SEZ6L: variants seen among roughly 807,000 people sequenced by gnomAD.
The protein encoded by SEZ6L is seizure 6-like protein.
A neutral mutation model predicts 106.2 loss-of-function variants in SEZ6L; 37 were observed. That is an observed-to-expected ratio of 0.35 (90% confidence interval 0.27 to 0.46). The LOEUF is 0.46. Among genes scored for constraint, SEZ6L ranks in the 20% least tolerant of loss-of-function variants. SEZ6L has a pLI of 1.00. For synonymous variants in SEZ6L, 541 were observed against 570.4 expected, an observed-to-expected ratio of 0.95 and a Z score of 0.73; for missense variants, 1,172 against 1,332.8, an observed-to-expected ratio of 0.88 and a Z score of 1.88.
intron 12 of SEZ6L, 27 bp downstream of exon 12, chr22:26,351,270 C>A: frequency 6.2e-7 from 1 of 1,602,914 alleles, no homozygotes; most frequent in South Asian, 1.1e-5. Flanking sequence ...GAATTGGGCC[C>A]CCAGTAGGTA....
intron 10 of SEZ6L, among the ~76,000 whole-genome samples, chr22:26,344,592 A>G (rs957816957): frequency 6.6e-6 from 1 of 152,236 alleles, no homozygotes; most frequent in Admixed American, 6.5e-5. Context: ...GTGTGCATTC[A>G]GTGCATTTGT....
chr22:26,252,903 A>G (rs1213014464), intron 1 of SEZ6L, among the ~76,000 whole-genome samples: 1 of 152,230 alleles, frequency 6.6e-6, no homozygotes, highest in Non-Finnish European at 1.5e-5. Context: ...GTGTCATTTT[A>G]GTAGAATGAC....
rs113079630 is a variant in SEZ6L at position 26,232,429 on chromosome 22, T to C, written c.95-59977T>C. 2.3e-3 allele frequency among the ~76,000 whole-genome samples: 356 copies of C among 151,530 alleles called. 4 individuals are homozygous for C. The highest frequency in any genetic ancestry group is 8.3e-3 in the African/African-American group (343 of 41,258). On this transcript the variant is annotated intron_variant, in intron 1 of 16. Transcript: ENST00000248933. ...CAAACTCTGGAAACAGACAGACGTG[T>C]ATTCAAATGTCAACCTTACCTGCCC... is the stretch of plus-strand genomic sequence containing the variant.
At chr22:26,173,795 A>G (rs548190037) in intron 1 of SEZ6L, among the ~76,000 whole-genome samples, 98 of 152,264 alleles carry the variant, frequency 6.4e-4, no homozygotes, top group Non-Finnish European at 1.2e-3. Flanking sequence ...GCAGACAGCC[A>G]CTTTCTAGCT....
chr22:26,265,373 G>T lies in SEZ6L; in HGVS notation c.95-27033G>T, dbSNP rs118062628. The stretch of plus-strand genomic sequence containing the variant: ...CAAGTTCTGAGCTGAGAAAAAAAAT[G>T]AATGCTTCCATCAAATTAGGCCAAG... On this transcript the variant is annotated intron_variant, in intron 1 of 16. Coordinates refer to ENST00000248933, the MANE Select transcript of SEZ6L (RefSeq NM_021115.5). 5.0e-3 allele frequency among the ~76,000 whole-genome samples: 762 copies of T among 152,270 alleles called. 20 individuals carry two copies. Among genetic ancestry groups the T allele is most frequent in the East Asian group, 0.014 (73 of 5,186 alleles).
At chr22:26,356,064 C>T (rs1426741837) in intron 12 of SEZ6L, among the ~76,000 whole-genome samples, 2 of 152,198 alleles carry the variant, frequency 1.3e-5, no homozygotes, top group Non-Finnish European at 2.9e-5. Flanking sequence ...GCAACTCACT[C>T]AGTCATTCAG....
At chr22:26,313,687 C>A (rs1366461442) in intron 8 of SEZ6L, 77 bp from the exon 9 acceptor site, 3 of 1,547,242 alleles carry the variant, frequency 1.9e-6, no homozygotes, top group East Asian at 2.3e-5. Flanking sequence ...GACTTCATAG[C>A]CCACATGGTT....
intron 1 of SEZ6L, among the ~76,000 whole-genome samples, chr22:26,206,292 T>C (rs1209336564): frequency 6.6e-6 from 1 of 152,142 alleles, no homozygotes; most frequent in East Asian, 1.9e-4. Context: ...CAGAACCACC[T>C]CCTTTACCCC....
At position 26,208,505 on chromosome 22, in the gene SEZ6L, A is replaced by G. The variant is rs1186892307; in HGVS notation, c.94+38742A>G. On this transcript the variant is annotated intron_variant, in intron 1 of 16. Coordinates refer to ENST00000248933, the MANE Select transcript of SEZ6L (RefSeq NM_021115.5). ...TTTTCTCTTTTAAAACTTTAAAGCT[A>G]TTAGTTCTTGGCTTCTGGCTTCCAT... is the stretch of plus-strand genomic sequence containing the variant. 2.6e-5 allele frequency among the ~76,000 whole-genome samples: 4 copies of G among 152,152 alleles called. No homozygotes were observed. The South Asian group carries it at 6.2e-4, about 24-fold the overall frequency.
chr22:26,349,534 C>T (rs1014737825), intron 11 of SEZ6L, among the ~76,000 whole-genome samples: 11 of 152,156 alleles, frequency 7.2e-5, no homozygotes, highest in Non-Finnish European at 1.3e-4. Flanking sequence ...CACACATAGA[C>T]ATCTATATAT....
At chr22:26,249,761 T>A (rs2079505395) in intron 1 of SEZ6L, among the ~76,000 whole-genome samples, 1 of 152,210 alleles carries the variant, frequency 6.6e-6, no homozygotes, top group Non-Finnish European at 1.5e-5. Flanking sequence ...GATACTGTTT[T>A]CCATAATGGC....
At chr22:26,291,488 A>G (rs961343296) in intron 1 of SEZ6L, among the ~76,000 whole-genome samples, 1 of 152,122 alleles carries the variant, frequency 6.6e-6, no homozygotes, top group Non-Finnish European at 1.5e-5. Flanking sequence ...TAGGTAATGC[A>G]TGCTGGGCTT....
chr22:26,375,599 C>T lies in SEZ6L; in HGVS notation c.2852C>T (p.Ser951Leu), dbSNP rs2084193911. The stretch of plus-strand genomic sequence containing the variant: ...GTAGCAGAAGCGGCAGCAGAGACGT[C>T]GCTGGAAGGGGGGAACATGGCCCTG... ...LEVAEAAAET[S>L]LEGGNMALAI... Residue 951 changes from serine to leucine, a missense_variant, in exon 15 of 17, where the codon TCG becomes TTG. Physicochemically the swap from Ser to Leu is moderately radical, Grantham distance 145. Around this residue, in one of 4 missense-constraint regions of SEZ6L, gnomAD observed 141 missense variants for 176.0 expected, o/e 0.80. Coordinates refer to ENST00000248933, the MANE Select transcript of SEZ6L (RefSeq NM_021115.5). 5 of 1,614,014 alleles carry T rather than the reference C, an allele frequency of 3.1e-6. No individual in the cohort carries two copies. The Admixed American group carries it at 5.0e-5, about 16-fold the overall frequency.
intron 1 of SEZ6L, among the ~76,000 whole-genome samples, chr22:26,175,643 A>G (rs1938938063): frequency 6.6e-6 from 1 of 152,140 alleles, no homozygotes; most frequent in Non-Finnish European, 1.5e-5. Flanking sequence ...ACCTCGTAAA[A>G]GAGAGTGAGC....
At chr22:26,208,766 T>A (rs546131557) in intron 1 of SEZ6L, among the ~76,000 whole-genome samples, 2 of 152,158 alleles carry the variant, frequency 1.3e-5, no homozygotes, top group Admixed American at 6.5e-5. Context: ...ATGTTTTTCA[T>A]CAAATTTGAG....
chr22:26,187,992 C>T (rs1249050952), intron 1 of SEZ6L, among the ~76,000 whole-genome samples: 1 of 152,126 alleles, frequency 6.6e-6, no homozygotes, highest in African/African-American at 2.4e-5. Flanking sequence ...AACAATAATC[C>T]AGGTGAGAGG....
intron 10 of SEZ6L, 31 bp from the exon 11 acceptor site, chr22:26,347,688 C>T (rs756861713): frequency 2.6e-6 from 4 of 1,561,402 alleles, no homozygotes; most frequent in Non-Finnish European, 3.5e-6. Flanking sequence ...GACTGCTTCC[C>T]CCATCTAAGA....
rs2084469776 is a variant in SEZ6L at position 26,383,354 on chromosome 22, T to G, written c.*3059T>G. 6.6e-6 allele frequency: 1 copy of G among 152,018 alleles called. No individual in the cohort carries two copies. Among genetic ancestry groups the G allele is most frequent in the Non-Finnish European group, 1.5e-5 (1 of 68,010 alleles). The allele number at this position is 152,018 out of a possible 1,614,324, so 9.4% of individuals were successfully genotyped here. ...GCACGGGCCTCAGGCAAAAATGCCC[T>G]TCGAGTGAATCCGAAGGGCATGATC... On this transcript the variant is annotated 3_prime_UTR_variant, in exon 17 of 17. Transcript: ENST00000248933.
intron 13 of SEZ6L, among the ~76,000 whole-genome samples, chr22:26,368,673 G>A (rs2083901052): frequency 6.6e-6 from 1 of 151,934 alleles, no homozygotes; most frequent in East Asian, 1.9e-4. Context: ...GCACCATTGT[G>A]AATATGCTGA....
Sources: allele counts gnomAD v4.1 joint callset (sites outside exome capture counted in the v4.1 genomes callset), GRCh38; gene constraint gnomAD v4.1.1; regional missense constraint gnomAD v4.1.1; transcripts MANE v1.5; gene names NCBI Gene and HGNC (gene_info 2026-07-23, HGNC 2026-07-21).